Variants in BMPR1B observed in about 807,000 individuals in gnomAD.
The protein encoded by BMPR1B is bone morphogenetic protein receptor type-1B.
BMPR1B carries 12 observed loss-of-function variants against 59.1 expected under a neutral mutation model. The ratio of observed to expected loss-of-function variants is 0.20; its 90% CI spans 0.13 to 0.33. The LOEUF is 0.33. BMPR1B is among the 10% of genes least tolerant of loss of function. BMPR1B has a pLI of 1.00. For synonymous variants in BMPR1B, 237 were observed against 207.3 expected (o/e 1.14, Z -1.23); for missense variants, 550 against 610.9 (o/e 0.90, Z 1.05).
intron 2 of BMPR1B, among the ~76,000 whole-genome samples, chr4:94,938,685 G>T (rs571710232): frequency 2.6e-5 from 4 of 152,110 alleles, no homozygotes; most frequent in Admixed American, 6.6e-5. Flanking sequence ...TACATCTACT[G>T]TATACCAAAT....
chr4:94,934,390 A>G (rs1257089393), intron 2 of BMPR1B, among the ~76,000 whole-genome samples: 3 of 150,796 alleles, frequency 2.0e-5, no homozygotes, highest in East Asian at 3.9e-4. Flanking sequence ...GTATACACCA[A>G]TCTACCGCTG....
At chr4:95,129,103 A>G (rs1469550178) in intron 8 of BMPR1B, among the ~76,000 whole-genome samples, 1 of 152,180 alleles carries the variant, frequency 6.6e-6, no homozygotes, top group Non-Finnish European at 1.5e-5. Context: ...CCTTCAAAGT[A>G]CTATTATCCC....
chr4:95,135,392 T>C (rs1579139541), intron 10 of BMPR1B, among the ~76,000 whole-genome samples: 3 of 152,180 alleles, frequency 2.0e-5, no homozygotes, highest in Admixed American at 2.0e-4. Flanking sequence ...TTTCCAATTC[T>C]GTGAAGAAAG....
intron 1 of BMPR1B, among the ~76,000 whole-genome samples, chr4:94,846,671 T>G (rs1319704602): frequency 1.3e-5 from 2 of 152,120 alleles, no homozygotes; most frequent in Non-Finnish European, 2.9e-5. Context: ...ATCATGTGAG[T>G]TAATACTTAA....
chr4:94,969,330 C>T (rs1015972757), intron 2 of BMPR1B, among the ~76,000 whole-genome samples: 2 of 152,112 alleles, frequency 1.3e-5, no homozygotes, highest in East Asian at 1.9e-4. Flanking sequence ...CCACCATGCC[C>T]GTCCATATCC....
intron 1 of BMPR1B, among the ~76,000 whole-genome samples, chr4:94,793,792 G>GT (rs1229121051): frequency 3.3e-5 from 5 of 149,558 alleles, no homozygotes; most frequent in East Asian, 2.0e-4. Context: ...TTTTTCATGT[G>GT]TTTTTTGGCT....
chr4:94,861,663 A>G (rs907169132), intron 1 of BMPR1B, among the ~76,000 whole-genome samples: 6 of 152,222 alleles, frequency 3.9e-5, no homozygotes, highest in African/African-American at 1.4e-4. Flanking sequence ...TTGAGGTTAG[A>G]GAAATTAGGC....
At chr4:95,079,758 C>A (rs1728980034) in intron 3 of BMPR1B, among the ~76,000 whole-genome samples, 1 of 147,516 alleles carries the variant, frequency 6.8e-6, no homozygotes, top group Non-Finnish European at 1.5e-5. Context: ...AAAAAAAAAA[C>A]ATGCAGAAGA....
chr4:95,051,388 C>T (rs538760529), intron 3 of BMPR1B, among the ~76,000 whole-genome samples: 168 of 152,244 alleles, frequency 1.1e-3, no homozygotes, highest in African/African-American at 3.9e-3. Context: ...GTATTGCCAG[C>T]GCAGAGTGAA....
chr4:94,960,024 C>T (rs1730290646), intron 2 of BMPR1B, among the ~76,000 whole-genome samples: 1 of 152,100 alleles, frequency 6.6e-6, no homozygotes, highest in Non-Finnish European at 1.5e-5. Context: ...AGTGTCAACA[C>T]ATATTGAATT....
intron 3 of BMPR1B, among the ~76,000 whole-genome samples, chr4:95,095,398 G>T (rs921870058): frequency 6.6e-6 from 1 of 152,074 alleles, no homozygotes; most frequent in African/African-American, 2.4e-5. Flanking sequence ...TATCATAACG[G>T]TACAAATAGC....
intron 2 of BMPR1B, among the ~76,000 whole-genome samples, chr4:94,994,960 A>G (rs1290779161): frequency 6.6e-6 from 1 of 152,184 alleles, no homozygotes; most frequent in East Asian, 1.9e-4. Context: ...TGATTTTCTT[A>G]TCTGTAAGAT....
At chr4:94,991,081 T>C (rs1721724748) in intron 2 of BMPR1B, among the ~76,000 whole-genome samples, 1 of 152,208 alleles carries the variant, frequency 6.6e-6, no homozygotes, top group South Asian at 2.1e-4. Context: ...TGTAATGGCC[T>C]TTTTCAGTCT....
intron 3 of BMPR1B, among the ~76,000 whole-genome samples, chr4:95,029,068 T>A (rs28483681): frequency 1.3e-5 from 2 of 150,570 alleles, no homozygotes; most frequent in Non-Finnish European, 3.0e-5. Flanking sequence ...AACATTTTCT[T>A]TTTATTTATT....
intron 2 of BMPR1B, among the ~76,000 whole-genome samples, chr4:94,937,719 G>GACACACACACACACAGACAC: frequency 6.8e-6 from 1 of 147,706 alleles, no homozygotes; most frequent in South Asian, 2.2e-4. Context: ...CACACACACA[G>GACACACACACACACAGACAC]ACACACACAC....
intron 2 of BMPR1B, among the ~76,000 whole-genome samples, chr4:94,928,355 G>A (rs1008134221): frequency 2.0e-5 from 3 of 151,834 alleles, no homozygotes; most frequent in Admixed American, 6.6e-5. Flanking sequence ...CAAATCTTCC[G>A]AATGGGTGTG....
At chr4:95,103,514 A>G in intron 3 of BMPR1B, 1 of 983,858 alleles carries the variant, frequency 1.0e-6, no homozygotes, top group Non-Finnish European at 1.2e-6. Flanking sequence ...CTGAAACAAA[A>G]TAGGTAATAA....
chr4:95,089,839 AAAG>A (rs1483529119), intron 3 of BMPR1B, among the ~76,000 whole-genome samples: 3 of 152,146 alleles, frequency 2.0e-5, no homozygotes, highest in Non-Finnish European at 4.4e-5. Context: ...TTTCAAGAAA[AAAG>A]ATTTATCATA....
chr4:95,139,507 C>T (rs1056054811), intron 10 of BMPR1B, among the ~76,000 whole-genome samples: 1 of 152,212 alleles, frequency 6.6e-6, no homozygotes, highest in South Asian at 2.1e-4. Context: ...TACTCTGCCC[C>T]CAGAGGTGGA....
Sources: allele counts gnomAD v4.1 joint callset (sites outside exome capture counted in the v4.1 genomes callset), GRCh38; gene constraint gnomAD v4.1.1; transcripts MANE v1.5; gene names NCBI Gene and HGNC (gene_info 2026-07-23, HGNC 2026-07-21).